The following PDE10A variants were observed in gnomAD, a reference collection of about 807,000 sequenced individuals.
PDE10A encodes the protein phosphodiesterase 10A.
PDE10A carries 39 observed loss-of-function variants against 97.7 expected under a neutral mutation model. The observed-to-expected ratio is 0.40, with a 90% CI of 0.31 to 0.52. The LOEUF (loss-of-function observed/expected upper bound fraction) is 0.52, where lower values mean the gene tolerates loss of function less well. Ranked by LOEUF, PDE10A falls within the 20% of genes least tolerant of loss-of-function variation. The pLI is 0.56. For missense variants in PDE10A, 731 were observed against 1,047.8 expected (o/e 0.70, Z 4.17); for synonymous variants, 371 against 376.8 (o/e 0.98, Z 0.18).
At chr6:165,555,284 A>C (rs568385347) in intron 1 of PDE10A, among the ~76,000 whole-genome samples, 1 of 152,294 alleles carries the variant, frequency 6.6e-6, no homozygotes, top group South Asian at 2.1e-4. Context: ...TACGCCATAC[A>C]CATATACACC....
intron 5 of PDE10A, among the ~76,000 whole-genome samples, chr6:165,440,153 G>GT (rs1212508713): frequency 6.6e-6 from 1 of 152,120 alleles, no homozygotes; most frequent in East Asian, 1.9e-4. Flanking sequence ...GTAGACGGCC[G>GT]TAAGTAAATA....
At chr6:165,395,782 A>G (rs1786116409) in intron 14 of PDE10A, among the ~76,000 whole-genome samples, 1 of 152,154 alleles carries the variant, frequency 6.6e-6, no homozygotes, top group African/African-American at 2.4e-5. Context: ...TGTAAGGTAA[A>G]TATTAGCTCT....
chr6:165,644,084 C>A (rs936309146), intron 1 of PDE10A, among the ~76,000 whole-genome samples: 1 of 152,168 alleles, frequency 6.6e-6, no homozygotes, highest in African/African-American at 2.4e-5. Context: ...GAGACAGAGT[C>A]TCCCTCTGTC....
intron 1 of PDE10A, among the ~76,000 whole-genome samples, chr6:165,699,510 A>G (rs1325361397): frequency 1.3e-5 from 2 of 152,172 alleles, no homozygotes; most frequent in Admixed American, 6.5e-5. Context: ...ACAGATTGCA[A>G]TAGAACACTC....
chr6:165,682,906 C>T lies in PDE10A; in HGVS notation c.-614-139338G>A, dbSNP rs144957476. Among the ~76,000 whole-genome samples the T allele has an allele frequency of 2.2e-3, 332 of 152,206 alleles. 1 individual carries two copies. Among genetic ancestry groups the T allele is most frequent in the Non-Finnish European group, 4.0e-3 (271 of 68,016 alleles). On this transcript the variant is annotated intron_variant, in intron 1 of 19. Coordinates refer to the PDE10A transcript ENST00000366882. ...GCACCTTCAGGTCTGGGTTAGGTAC[C>T]CCTTTCATTTGCCCCCACAGACACC...
At chr6:165,464,462 T>C (rs2128262874) in intron 3 of PDE10A, among the ~76,000 whole-genome samples, 1 of 152,346 alleles carries the variant, frequency 6.6e-6, no homozygotes, top group Admixed American at 6.5e-5. Context: ...GAGGTAGTTT[T>C]AGAATTGCTA....
intron 1 of PDE10A, among the ~76,000 whole-genome samples, chr6:165,677,091 A>G (rs1162727951): frequency 6.6e-6 from 1 of 152,254 alleles, no homozygotes; most frequent in Non-Finnish European, 1.5e-5. Flanking sequence ...TTGCTTGGCC[A>G]AATCCCAGTC....
At chr6:165,464,969 C>A (rs1778548455) in intron 3 of PDE10A, among the ~76,000 whole-genome samples, 1 of 152,208 alleles carries the variant, frequency 6.6e-6, no homozygotes, top group South Asian at 2.1e-4. Context: ...CTGCTATGAA[C>A]ATTCTTATGG....
At chr6:165,653,491 A>G (rs1562661404) in intron 1 of PDE10A, among the ~76,000 whole-genome samples, 1 of 152,320 alleles carries the variant, frequency 6.6e-6, no homozygotes, top group East Asian at 1.9e-4. Flanking sequence ...AGCACCAGCC[A>G]TGCGCTGAAT....
At chr6:165,786,072 C>T (rs6456015) in intron 1 of PDE10A, among the ~76,000 whole-genome samples, 73,071 of 152,090 alleles carry the variant, frequency 0.48, 18,671 homozygotes, top group Non-Finnish European at 0.57. Flanking sequence ...CAGACCTGAA[C>T]GATGTATTCC....
chr6:165,386,728 C>A (rs923076849), intron 17 of PDE10A, among the ~76,000 whole-genome samples: 2 of 151,764 alleles, frequency 1.3e-5, no homozygotes. Flanking sequence ...TGCAGCCAGG[C>A]GCGGTGGCTC....
In PDE10A at chr6:165,402,612, C is replaced by T. The variant is rs532179412; in HGVS notation, c.2077-6153G>A. Among the ~76,000 whole-genome samples, 13 of 152,230 alleles carry T rather than the reference C, an allele frequency of 8.5e-5. No homozygotes were observed. The East Asian group carries it at 2.1e-3, about 25-fold the overall frequency. On this transcript the variant is annotated intron_variant, in intron 13 of 21. Coordinates refer to ENST00000539869, the MANE Select transcript of PDE10A (RefSeq NM_001385079.1). The stretch of plus-strand genomic sequence containing the variant: ...AAGAGAATTCTAGCAGAAAAAACTG[C>T]TGTTTGTCTAAAACTGAAATATATT...
At chr6:165,650,281 A>G (rs540480225) in intron 1 of PDE10A, among the ~76,000 whole-genome samples, 1 of 152,204 alleles carries the variant, frequency 6.6e-6, no homozygotes, top group Non-Finnish European at 1.5e-5. Context: ...GAGATAAGTT[A>G]TATTATTCAA....
intron 18 of PDE10A, among the ~76,000 whole-genome samples, chr6:165,363,596 A>G (rs1187970723): frequency 6.6e-6 from 1 of 152,170 alleles, no homozygotes; most frequent in Non-Finnish European, 1.5e-5. Flanking sequence ...AACTATCTCT[A>G]TTTGAAGACG....
At chr6:165,616,612 T>A (rs1787739343) in intron 1 of PDE10A, among the ~76,000 whole-genome samples, 1 of 152,202 alleles carries the variant, frequency 6.6e-6, no homozygotes, top group African/African-American at 2.4e-5. Context: ...GGATGCAAAA[T>A]TAATATCCTA....
intron 1 of PDE10A, among the ~76,000 whole-genome samples, chr6:165,658,559 G>C (rs2128429610): frequency 6.6e-6 from 1 of 152,286 alleles, no homozygotes; most frequent in East Asian, 1.9e-4. Context: ...CAGAGTTCCT[G>C]ATCTCTGCAC....
intron 1 of PDE10A, chr6:165,940,215 C>G (rs1783465252): frequency 6.6e-6 from 1 of 152,186 alleles, no homozygotes. Flanking sequence ...GTTGTAGTGT[C>G]TTTAGTACAT....
intron 1 of PDE10A, among the ~76,000 whole-genome samples, chr6:165,574,058 T>C (rs1274261011): frequency 6.6e-6 from 1 of 152,162 alleles, no homozygotes; most frequent in African/African-American, 2.4e-5. Flanking sequence ...GCGAAGCAGG[T>C]TTTAGCAACT....
intron 1 of PDE10A, among the ~76,000 whole-genome samples, chr6:165,951,239 A>G: frequency 6.6e-6 from 1 of 152,170 alleles, no homozygotes; most frequent in East Asian, 1.9e-4. Context: ...AGACACACTC[A>G]CAGGTCAGTA....
Sources: gnomAD v4.1 joint callset for allele counts (sites outside exome capture counted in the v4.1 genomes callset) on GRCh38, gnomAD v4.1.1 for gene constraint, MANE v1.5 for transcripts, NCBI Gene and HGNC (gene_info 2026-07-23, HGNC 2026-07-21) for gene names.